The following CD44 variants were observed in gnomAD, a reference collection of about 807,000 sequenced individuals.
The protein encoded by CD44 is CD44 antigen.
CD44 carries 49 observed loss-of-function variants against 88.8 expected under a neutral mutation model. The observed-to-expected ratio is 0.55, with a 90% CI of 0.44 to 0.70. CD44 has a LOEUF of 0.70. Ranked by LOEUF, CD44 falls within the 30% of genes least tolerant of loss-of-function variation. CD44 has a pLI of 0.00. For missense variants in CD44, 883 were observed against 913.8 expected (o/e 0.97, Z 0.43); for synonymous variants, 325 against 312.3 (o/e 1.04, Z -0.43).
rs1946793630 is a variant in CD44, at chr11:35,196,743, C to T, written c.668-3C>T. The stretch of plus-strand genomic sequence containing the variant: ...ACAATCAATTCAATCATGATTACAA[C>T]AGCTTTGATGAGCACTAGTGCTACA... On this transcript the variant is annotated splice_region_variant and splice_polypyrimidine_tract_variant and intron_variant, in intron 5 of 17. Transcript: ENST00000428726. 3 of 1,613,468 alleles carry T rather than the reference C, an allele frequency of 1.9e-6. No individual in the cohort carries two copies. In the African/African-American group the frequency reaches 4.0e-5, roughly 22 times the overall value.
intron 14 of CD44, 55 bp downstream of exon 14, chr11:35,211,504 A>G: frequency 3.1e-6 from 4 of 1,296,586 alleles, no homozygotes; most frequent in Non-Finnish European, 4.5e-6. Flanking sequence ...AACAATATAT[A>G]GTTTCATATT....
intron 10 of CD44, chr11:35,205,820 T>C: frequency 2.9e-6 from 3 of 1,041,366 alleles, no homozygotes; most frequent in Non-Finnish European, 3.5e-6. Context: ...CAAGAAGTAC[T>C]TCTCCTTCAT....
At chr11:35,159,594 G>C (rs1942336943) in intron 1 of CD44, among the ~76,000 whole-genome samples, 1 of 152,154 alleles carries the variant, frequency 6.6e-6, no homozygotes, top group South Asian at 2.1e-4. Flanking sequence ...TTAACTATCT[G>C]TTATGATCCA....
rs538767685 is a variant in CD44, at chr11:35,207,884, A to G, written c.1415-221A>G. On this transcript the variant is annotated intron_variant, in intron 11 of 17. Transcript: ENST00000428726. The stretch of plus-strand genomic sequence containing the variant: ...GACTCAGCAAAAACAAACACACAGC[A>G]TAGCTTTCATATAACTCGGCCCTTC... Among the ~76,000 whole-genome samples, 134 of 152,330 alleles carry G rather than the reference A, an allele frequency of 8.8e-4. 2 individuals carry two copies. The South Asian group carries it at 0.012, about 13-fold the overall frequency.
At chr11:35,198,080 T>C in intron 6 of CD44, 41 bp from the exon 7 acceptor site, 1 of 1,595,672 alleles carries the variant, frequency 6.3e-7, no homozygotes, top group South Asian at 1.1e-5. Flanking sequence ...AGTGGGTTGC[T>C]TGGCGTCCAG....
At position 35,142,935 on chromosome 11, in the gene CD44, C is replaced by A. The variant is rs574538952; in HGVS notation, c.67+3565C>A. On this transcript the variant is annotated intron_variant, in intron 1 of 17. Transcript: ENST00000428726. ...GAGAGGGACTAGTGACTTCCCCTCT[C>A]TGCGACTTGTTAAGATATTAGGGCA... 8.5e-5 allele frequency among the ~76,000 whole-genome samples: 13 copies of A among 152,234 alleles called. No homozygotes were observed. The South Asian group carries it at 2.7e-3, about 32-fold the overall frequency.
chr11:35,228,984 G>A (rs960936567), intron 17 of CD44, 145 bp from the exon 18 acceptor site: 10 of 657,772 alleles, frequency 1.5e-5, no homozygotes, highest in African/African-American at 1.5e-4. Context: ...TGTTAAAGTA[G>A]AGAAAACCCC....
chr11:35,182,222 A>T (rs1945215072), intron 3 of CD44, among the ~76,000 whole-genome samples: 1 of 151,504 alleles, frequency 6.6e-6, no homozygotes. Context: ...CCAAAAATTA[A>T]AATTAATTGT....
chr11:35,177,727 C>CT (rs1435555100), intron 2 of CD44, among the ~76,000 whole-genome samples: 1 of 152,226 alleles, frequency 6.6e-6, no homozygotes, highest in Non-Finnish European at 1.5e-5. Context: ...GGCTGAGACT[C>CT]TTGCTGAAAG....
intron 3 of CD44, among the ~76,000 whole-genome samples, chr11:35,186,573 A>G (rs370038868): frequency 9.8e-5 from 15 of 152,324 alleles, no homozygotes; most frequent in Admixed American, 4.6e-4. Context: ...TATAGAATGT[A>G]TATTTATTAA....
At chr11:35,203,207 A>G (rs1375426800) in intron 9 of CD44, among the ~76,000 whole-genome samples, 1 of 152,122 alleles carries the variant, frequency 6.6e-6, no homozygotes, top group Non-Finnish European at 1.5e-5. Context: ...AATAGAAATC[A>G]TATGTTTTGC....
intron 5 of CD44, chr11:35,190,306 A>AT: frequency 1.8e-6 from 1 of 557,362 alleles, no homozygotes; most frequent in Non-Finnish European, 3.2e-6. Flanking sequence ...GAAGTGCCAT[A>AT]TTGGAAGTTT....
intron 3 of CD44, among the ~76,000 whole-genome samples, chr11:35,185,389 G>A (rs572921821): frequency 1.3e-5 from 2 of 152,260 alleles, no homozygotes; most frequent in African/African-American, 2.4e-5. Context: ...GGCAGGTTAA[G>A]GTTATCCTTT....
intron 1 of CD44, among the ~76,000 whole-genome samples, chr11:35,153,446 A>G (rs1433468438): frequency 6.6e-6 from 1 of 152,302 alleles, no homozygotes; most frequent in East Asian, 1.9e-4. Flanking sequence ...TTTGGAAACC[A>G]TAAGGCCCAC....
chr11:35,215,323 G>A (rs1170398387), intron 15 of CD44, among the ~76,000 whole-genome samples: 1 of 152,204 alleles, frequency 6.6e-6, no homozygotes, highest in Non-Finnish European at 1.5e-5. Flanking sequence ...TTCGATTCCA[G>A]CCCTCCGCAT....
chr11:35,146,869 C>T (rs1039905325), intron 1 of CD44, among the ~76,000 whole-genome samples: 1 of 152,148 alleles, frequency 6.6e-6, no homozygotes, highest in Non-Finnish European at 1.5e-5. Flanking sequence ...AGCTTTTAAA[C>T]ATGATGTCAG....
At chr11:35,158,564 C>T (rs946820312) in intron 1 of CD44, among the ~76,000 whole-genome samples, 3 of 152,194 alleles carry the variant, frequency 2.0e-5, no homozygotes, top group Non-Finnish European at 4.4e-5. Flanking sequence ...AAGCATTCAA[C>T]AGTCATAATT....
At chr11:35,187,796 G>A (rs1171285187) in intron 4 of CD44, among the ~76,000 whole-genome samples, 6 of 152,242 alleles carry the variant, frequency 3.9e-5, no homozygotes, top group South Asian at 4.2e-4. Context: ...TTCCTGATAC[G>A]TGTTTTGACA....
At chr11:35,180,473 T>A in intron 3 of CD44, 66 bp downstream of exon 3, 1 of 1,569,730 alleles carries the variant, frequency 6.4e-7, no homozygotes, top group Non-Finnish European at 8.8e-7. Flanking sequence ...GGAGCTCAGC[T>A]TAAGTGGGGA....
Sources: allele counts gnomAD v4.1 joint callset (sites outside exome capture counted in the v4.1 genomes callset), GRCh38; gene constraint gnomAD v4.1.1; transcripts MANE v1.5; gene names NCBI Gene and HGNC (gene_info 2026-07-23, HGNC 2026-07-21).